The following GPHN variants were observed in gnomAD, a reference collection of about 807,000 sequenced individuals.
The protein encoded by GPHN is gephyrin.
In GPHN, 17 loss-of-function variants were observed where a neutral mutation model predicts 95.5. The ratio of observed to expected loss-of-function variants is 0.18; its 90% CI spans 0.12 to 0.27. The LOEUF (loss-of-function observed/expected upper bound fraction) is 0.27. Ranked by LOEUF, GPHN falls within the 10% of genes least tolerant of loss-of-function variation. The pLI is 1.00. For missense variants in GPHN, 660 were observed against 978.1 expected (o/e 0.67, Z 4.34); for synonymous variants, 320 against 322.5 (o/e 0.99, Z 0.08).
At chr14:66,960,939 C>T (rs1422654054) in intron 8 of GPHN, among the ~76,000 whole-genome samples, 2 of 152,050 alleles carry the variant, frequency 1.3e-5, no homozygotes, top group Non-Finnish European at 2.9e-5. Flanking sequence ...TTTCCATGCC[C>T]AGATGACAGT....
the GPHN span, chr14:67,677,314 A>G: frequency 6.8e-6 from 1 of 146,088 alleles, no homozygotes; most frequent in Non-Finnish European, 1.5e-5. Context: ...AGTCCCTAAG[A>G]TAATTTTTCT....
chr14:66,995,788 C>T (rs754026841), intron 9 of GPHN, among the ~76,000 whole-genome samples: 3 of 152,110 alleles, frequency 2.0e-5, no homozygotes, highest in Non-Finnish European at 4.4e-5. Flanking sequence ...ATACTGTGAA[C>T]GTGTATGGTA....
intron 4 of GPHN, among the ~76,000 whole-genome samples, chr14:66,835,230 A>G (rs2061746299): frequency 6.9e-6 from 1 of 145,684 alleles, no homozygotes; most frequent in South Asian, 2.2e-4. Context: ...TAATTTTTTG[A>G]AGGGTTTTTT....
intron 10 of GPHN, among the ~76,000 whole-genome samples, chr14:67,047,371 T>G (rs77775667): frequency 0.14 from 19,517 of 136,814 alleles, 1,449 homozygotes; most frequent in Non-Finnish European, 0.21. Context: ...TGTTTGTTTT[T>G]TTTTTTTTTT....
intron 13 of GPHN, among the ~76,000 whole-genome samples, chr14:67,105,615 T>A (rs2077990746): frequency 6.6e-6 from 1 of 152,174 alleles, no homozygotes; most frequent in African/African-American, 2.4e-5. Context: ...AGTTTCTGAC[T>A]TAAAGTCTAT....
chr14:67,658,539 G>A, the GPHN span, among the ~76,000 whole-genome samples: 149 of 152,346 alleles, frequency 9.8e-4, 1 homozygote, highest in African/African-American at 3.4e-3. Flanking sequence ...GGAGCTTGCA[G>A]TGAGCCGAGA....
intron 1 of GPHN, among the ~76,000 whole-genome samples, chr14:66,532,675 G>T (rs139097816): frequency 6.6e-6 from 1 of 152,236 alleles, no homozygotes. Context: ...GAATATTGGG[G>T]TGTCTGCCTC....
intron 2 of GPHN, among the ~76,000 whole-genome samples, chr14:66,743,705 G>A (rs2073003012): frequency 6.6e-6 from 1 of 152,198 alleles, no homozygotes; most frequent in South Asian, 2.1e-4. Context: ...TCGCGCCACT[G>A]CACTCCAGCC....
chr14:67,269,339 G>A, the GPHN span, among the ~76,000 whole-genome samples: 15 of 151,442 alleles, frequency 9.9e-5, no homozygotes, highest in Non-Finnish European at 1.9e-4. Context: ...ACAAGTTTTT[G>A]TGTGTGTGTG....
intron 5 of GPHN, among the ~76,000 whole-genome samples, chr14:66,902,580 A>G (rs1421188699): frequency 6.6e-6 from 1 of 152,108 alleles, no homozygotes; most frequent in East Asian, 1.9e-4. Context: ...TCATAAAAGC[A>G]TGTTGAGCTT....
intron 17 of GPHN, among the ~76,000 whole-genome samples, chr14:67,141,946 G>A (rs868071828): frequency 1.7e-4 from 26 of 152,168 alleles, no homozygotes; most frequent in East Asian, 1.2e-3. Context: ...ATGCTGTCTC[G>A]TTGAGAGATC....
At chr14:66,803,947 T>C (rs1347026069) in intron 3 of GPHN, among the ~76,000 whole-genome samples, 3 of 152,148 alleles carry the variant, frequency 2.0e-5, no homozygotes. Flanking sequence ...TTGAACATAT[T>C]AATCATAGTT....
chr14:67,579,816 C>T, the GPHN span: 1 of 1,610,148 alleles, frequency 6.2e-7, no homozygotes, highest in Non-Finnish European at 8.5e-7. Flanking sequence ...CTGGCTTTGC[C>T]CTCTTCACGG....
At chr14:66,542,741 C>T (rs181857730) in intron 1 of GPHN, among the ~76,000 whole-genome samples, 3 of 152,304 alleles carry the variant, frequency 2.0e-5, no homozygotes, top group Non-Finnish European at 4.4e-5. Context: ...TTTCCAATTG[C>T]AGCAAACTCC....
the GPHN span, among the ~76,000 whole-genome samples, chr14:67,465,234 A>G: frequency 6.6e-6 from 1 of 152,270 alleles, no homozygotes; most frequent in East Asian, 1.9e-4. Flanking sequence ...CAATGTTGCC[A>G]GCTTTAAGTG....
chr14:66,631,751 A>G (rs1034345330), intron 1 of GPHN, among the ~76,000 whole-genome samples: 1 of 152,138 alleles, frequency 6.6e-6, no homozygotes, highest in African/African-American at 2.4e-5. Flanking sequence ...GAATTATATT[A>G]GAAACTAATT....
chr14:67,527,318 C>T, the GPHN span, among the ~76,000 whole-genome samples: 2 of 152,196 alleles, frequency 1.3e-5, no homozygotes, highest in Non-Finnish European at 2.9e-5. Context: ...ATGGCTTCAG[C>T]TCCAGAGAAT....
At chr14:67,506,587 A>G in the GPHN span, among the ~76,000 whole-genome samples, 1 of 152,206 alleles carries the variant, frequency 6.6e-6, no homozygotes, top group Non-Finnish European at 1.5e-5. Context: ...GTAGGGATGG[A>G]AAATATTGGT....
chr14:67,386,556 A>G, the GPHN span: 1 of 152,240 alleles, frequency 6.6e-6, no homozygotes, highest in Non-Finnish European at 1.5e-5. Context: ...TAACCTTCCA[A>G]CTGGTGAAGT....
Sources: allele counts gnomAD v4.1 joint callset (sites outside exome capture counted in the v4.1 genomes callset), GRCh38; gene constraint gnomAD v4.1.1; transcripts MANE v1.5; gene names NCBI Gene and HGNC (gene_info 2026-07-23, HGNC 2026-07-21).